The following AUTS2 variants were observed in gnomAD, a reference collection of about 807,000 sequenced individuals.
AUTS2 encodes the protein activator of transcription and developmental regulator AUTS2.
In AUTS2, 17 loss-of-function variants were observed where a neutral mutation model predicts 112.4. The observed-to-expected ratio is 0.15, with a 90% confidence interval of 0.10 to 0.23. AUTS2 has a LOEUF of 0.23. Among genes scored for constraint, AUTS2 ranks in the 10% least tolerant of loss-of-function variants. The probability of loss-of-function intolerance (pLI) is 1.00; values close to 1 mark genes in which losing one functional copy is unlikely to be tolerated. For synonymous variants in AUTS2, 751 were observed against 702.7 expected (o/e 1.07, Z -1.09); for missense variants, 1,510 against 1,701.6 (o/e 0.89, Z 1.98).
intron 1 of AUTS2, among the ~76,000 whole-genome samples, chr7:69,617,213 A>G (rs1222130336): frequency 6.6e-6 from 1 of 152,112 alleles, no homozygotes; most frequent in Admixed American, 6.5e-5. Flanking sequence ...GGCCAGGGCA[A>G]CTGTGTGGAG....
chr7:70,360,572 G>A (rs945367062), intron 4 of AUTS2, among the ~76,000 whole-genome samples: 3 of 152,178 alleles, frequency 2.0e-5, no homozygotes, highest in Admixed American at 6.5e-5. Flanking sequence ...GTATGACCCC[G>A]GCTCATGGTG....
rs74808455 is a variant in AUTS2, at chr7:70,630,136, C to T, written c.691-68433C>T. On this transcript the variant is annotated intron_variant, in intron 5 of 18. Transcript: ENST00000342771. ...AGGGGTAGGGGGCTCGGAAAGGCGG[C>T]CTCCTCTGCGTGTGCCAGGAGAGCT... Among the ~76,000 whole-genome samples the T allele has an allele frequency of 3.3e-3, 506 of 152,230 alleles. 10 individuals carry two copies. In the East Asian group the frequency reaches 0.051, roughly 15 times the overall value.
rs185590275 is a variant in AUTS2 at position 69,829,833 on chromosome 7, C to A, written c.310-69453C>A. On this transcript the variant is annotated intron_variant, in intron 1 of 18. Transcript: ENST00000342771. ...CATTGTGGAAGACAGTGTGGCGATT[C>A]CTCAAGGATCTAGAACCAGAAATGC... Among the ~76,000 whole-genome samples the A allele has an allele frequency of 2.9e-3, 442 of 152,226 alleles. 5 individuals carry two copies. Among genetic ancestry groups the A allele is most frequent in the African/African-American group, 0.01 (428 of 41,522 alleles).
intron 4 of AUTS2, among the ~76,000 whole-genome samples, chr7:70,248,082 C>T (rs1234947851): frequency 2.6e-5 from 4 of 152,106 alleles, no homozygotes; most frequent in Non-Finnish European, 5.9e-5. Context: ...TTGATTATGA[C>T]ATATTATGCC....
chr7:69,609,400 T>A (rs948991965), intron 1 of AUTS2, among the ~76,000 whole-genome samples: 3 of 152,182 alleles, frequency 2.0e-5, no homozygotes, highest in Non-Finnish European at 4.4e-5. Context: ...CACCCTGAAA[T>A]TAGTTGGCCT....
intron 2 of AUTS2, among the ~76,000 whole-genome samples, chr7:70,088,825 G>A (rs1257663594): frequency 6.6e-6 from 1 of 151,898 alleles, no homozygotes; most frequent in African/African-American, 2.4e-5. Flanking sequence ...TGTTGGCCAG[G>A]TGTGAGCCAC....
chr7:70,400,663 A>T (rs1794287794), intron 4 of AUTS2, among the ~76,000 whole-genome samples: 1 of 152,158 alleles, frequency 6.6e-6, no homozygotes, highest in African/African-American at 2.4e-5. Context: ...CTCACACCTT[A>T]TATAGGAGGT....
chr7:70,264,139 A>G (rs901562732), intron 4 of AUTS2, among the ~76,000 whole-genome samples: 4 of 152,182 alleles, frequency 2.6e-5, no homozygotes, highest in Non-Finnish European at 5.9e-5. Flanking sequence ...GTGACAAACA[A>G]TTCTTCCTAG....
At position 70,281,626 on chromosome 7, in the gene AUTS2, G is replaced by A. The variant is rs939955020; in HGVS notation, c.660+147055G>A. Among the ~76,000 whole-genome samples the A allele has an allele frequency of 2.0e-5, 3 of 152,004 alleles. No homozygotes were observed. In the South Asian group the frequency reaches 6.3e-4, roughly 32 times the overall value. On this transcript the variant is annotated intron_variant, in intron 4 of 18. Coordinates refer to ENST00000342771, the MANE Select transcript of AUTS2 (RefSeq NM_015570.4). The stretch of plus-strand genomic sequence containing the variant: ...GAGAAGAAAAATATGATCTGTTTGG[G>A]GTATTACAATCCAGTGTGTATTTTC...
At chr7:69,660,323 G>T (rs1795734900) in intron 1 of AUTS2, among the ~76,000 whole-genome samples, 1 of 152,144 alleles carries the variant, frequency 6.6e-6, no homozygotes, top group African/African-American at 2.4e-5. Context: ...ACTGAGTTTT[G>T]CAGGCGCTTT....
At chr7:69,636,572 G>T (rs1286235630) in intron 1 of AUTS2, among the ~76,000 whole-genome samples, 1 of 144,644 alleles carries the variant, frequency 6.9e-6, no homozygotes, top group Non-Finnish European at 1.5e-5. Context: ...AATACCAAGA[G>T]AAAACCATTT....
At chr7:70,756,680 G>A (rs1014424198) in intron 6 of AUTS2, among the ~76,000 whole-genome samples, 2 of 152,038 alleles carry the variant, frequency 1.3e-5, no homozygotes, top group African/African-American at 4.8e-5. Flanking sequence ...TACTACAAAT[G>A]CAGACTCACA....
intron 1 of AUTS2, among the ~76,000 whole-genome samples, chr7:69,713,851 A>C (rs1798451493): frequency 1.3e-5 from 2 of 152,060 alleles, no homozygotes; most frequent in Admixed American, 6.6e-5. Flanking sequence ...TTGTATTTTC[A>C]TTGACTTAAC....
At chr7:69,934,943 C>T (rs1473331052) in intron 2 of AUTS2, among the ~76,000 whole-genome samples, 1 of 152,126 alleles carries the variant, frequency 6.6e-6, no homozygotes, top group Non-Finnish European at 1.5e-5. Context: ...TGTGCATTAC[C>T]TTTTGAGTTT....
intron 5 of AUTS2, among the ~76,000 whole-genome samples, chr7:70,656,461 A>C (rs1806776255): frequency 6.6e-6 from 1 of 151,544 alleles, no homozygotes; most frequent in Non-Finnish European, 1.5e-5. Flanking sequence ...AAGAACAGCA[A>C]GAATTGATTT....
At chr7:69,902,135 A>T (rs1217513561) in intron 2 of AUTS2, among the ~76,000 whole-genome samples, 2 of 151,954 alleles carry the variant, frequency 1.3e-5, no homozygotes, top group East Asian at 1.9e-4. Context: ...GAAGGGTAAG[A>T]TGCATTTATA....
At chr7:70,189,215 A>G (rs1809758318) in intron 4 of AUTS2, among the ~76,000 whole-genome samples, 1 of 152,212 alleles carries the variant, frequency 6.6e-6, no homozygotes. Context: ...GATGTAAATC[A>G]AGATCTGAGG....
At chr7:69,722,378 A>ATTT (rs34149543) in intron 1 of AUTS2, among the ~76,000 whole-genome samples, 3,874 of 142,688 alleles carry the variant, frequency 0.027, 92 homozygotes, top group African/African-American at 0.05. Flanking sequence ...CTTATTCTAC[A>ATTT]TTTTTTTTTT....
rs140287242 is a variant in AUTS2 at position 69,954,567 on chromosome 7, C to A, written c.522+55069C>A. Among the ~76,000 whole-genome samples the A allele has an allele frequency of 1.6e-3, 241 of 152,300 alleles. 1 individual carries two copies. Among genetic ancestry groups the A allele is most frequent in the African/African-American group, 4.9e-3 (204 of 41,550 alleles). ...TAAGTGATTCTCCTGCCTTGGCCCCCCAGTTGCTGCGAGAATGGTGCCTTG... is the reference window on the plus strand; with the variant it reads ...TAAGTGATTCTCCTGCCTTGGCCCCACAGTTGCTGCGAGAATGGTGCCTTG... On this transcript the variant is annotated intron_variant, in intron 2 of 18. Coordinates refer to ENST00000342771, the MANE Select transcript of AUTS2 (RefSeq NM_015570.4).
Sources: gnomAD v4.1 joint callset for allele counts (sites outside exome capture counted in the v4.1 genomes callset) on GRCh38, gnomAD v4.1.1 for gene constraint, MANE v1.5 for transcripts, NCBI Gene and HGNC (gene_info 2026-07-23, HGNC 2026-07-21) for gene names.